The following SEMA3A variants were observed in gnomAD, a reference collection of about 807,000 sequenced individuals.
The protein encoded by SEMA3A is semaphorin-3A.
In SEMA3A, 29 loss-of-function variants were observed where a neutral mutation model predicts 97.9. The ratio of observed to expected loss-of-function variants is 0.30; its 90% CI spans 0.22 to 0.40. The LOEUF (loss-of-function observed/expected upper bound fraction) is 0.40, where lower values mean the gene tolerates loss of function less well. SEMA3A is among the 10% of genes least tolerant of loss of function. SEMA3A has a pLI of 1.00. For missense variants in SEMA3A, 763 were observed against 951.3 expected, an observed-to-expected ratio of 0.80 and a Z score of 2.60; for synonymous variants, 321 against 323.7, an observed-to-expected ratio of 0.99 and a Z score of 0.09.
chr7:84,079,647 A>T (rs1332676932), intron 4 of SEMA3A, among the ~76,000 whole-genome samples: 2 of 146,540 alleles, frequency 1.4e-5, no homozygotes, highest in Admixed American at 6.9e-5. Context: ...TCAAAACCAC[A>T]ATGAGATACC....
intron 1 of SEMA3A, among the ~76,000 whole-genome samples, chr7:84,187,917 A>C (rs1797932913): frequency 6.6e-6 from 1 of 152,130 alleles, no homozygotes; most frequent in Admixed American, 6.6e-5. Context: ...TCACATAAGC[A>C]GTTTCACAGA....
At chr7:84,313,393 T>C (rs1163192336) in intron 2 of SEMA3A, among the ~76,000 whole-genome samples, 4 of 101,330 alleles carry the variant, frequency 3.9e-5, no homozygotes, top group Non-Finnish European at 6.3e-5. Flanking sequence ...TATATATATA[T>C]ATATATATAT....
chr7:84,035,991 T>C (rs1584576105), intron 6 of SEMA3A, among the ~76,000 whole-genome samples: 1 of 152,214 alleles, frequency 6.6e-6, no homozygotes, highest in East Asian at 1.9e-4. Context: ...AATTTCTTGT[T>C]TTGAACTCTC....
chr7:84,469,607 G>A (rs535959053), intron 1 of SEMA3A, among the ~76,000 whole-genome samples: 4 of 152,198 alleles, frequency 2.6e-5, no homozygotes, highest in Admixed American at 2.0e-4. Flanking sequence ...AGATCATTAA[G>A]ATTTTTTCTG....
chr7:84,092,884 T>C (rs1032641964), intron 4 of SEMA3A, among the ~76,000 whole-genome samples: 1 of 152,156 alleles, frequency 6.6e-6, no homozygotes, highest in Non-Finnish European at 1.5e-5. Flanking sequence ...TTATGAAGAT[T>C]CATTTAAATT....
chr7:84,345,727 T>C (rs1014046581), intron 2 of SEMA3A, among the ~76,000 whole-genome samples: 4 of 152,214 alleles, frequency 2.6e-5, no homozygotes, highest in Admixed American at 6.5e-5. Flanking sequence ...CTTCTAATTC[T>C]ACTTCTCTTG....
chr7:83,968,804 C>CT (rs34837012), intron 15 of SEMA3A, among the ~76,000 whole-genome samples: 6,128 of 87,058 alleles, frequency 0.07, 126 homozygotes, highest in African/African-American at 0.082. Context: ...CTTTTCTTTC[C>CT]TTTTTTTTTT....
chr7:84,032,752 A>G (rs1205724018), intron 6 of SEMA3A, among the ~76,000 whole-genome samples: 1 of 151,790 alleles, frequency 6.6e-6, no homozygotes, highest in Non-Finnish European at 1.5e-5. Flanking sequence ...TTGAAAATAA[A>G]TAATAATTAT....
rs1056455437 is a variant in SEMA3A, at chr7:83,994,216, T to G, written c.1452+7739A>C. On this transcript the variant is annotated intron_variant, in intron 12 of 16. Transcript: ENST00000265362. The stretch of plus-strand genomic sequence containing the variant: ...ATTGGTTATTCTAGTTATACATTCT[T>G]CTAAATTTTTTGCAAAGTTTTCAAC... Among the ~76,000 whole-genome samples, 14 of 97,004 alleles carry G rather than the reference T, an allele frequency of 1.4e-4. 1 individual carries two copies. The highest frequency in any genetic ancestry group is 5.6e-4 in the African/African-American group (14 of 25,016). 63.6% of individuals were successfully genotyped at this position (97,004 alleles called of 152,430 possible).
At chr7:84,233,205 C>T (rs750328926) in intron 3 of SEMA3A, among the ~76,000 whole-genome samples, 3 of 151,852 alleles carry the variant, frequency 2.0e-5, no homozygotes, top group Non-Finnish European at 2.9e-5. Flanking sequence ...TTGGTTAAGA[C>T]CAAAGCTTTT....
chr7:84,384,671 T>A (rs1053008376), intron 1 of SEMA3A, among the ~76,000 whole-genome samples: 2 of 152,084 alleles, frequency 1.3e-5, no homozygotes, highest in African/African-American at 4.8e-5. Flanking sequence ...TGTCCTAACT[T>A]GGCAACAACT....
At position 84,425,431 on chromosome 7, in the gene SEMA3A, A is replaced by ATG. The variant is rs535163232; in HGVS notation, c.-245-53532_-245-53531insCA. Among the ~76,000 whole-genome samples the ATG allele has an allele frequency of 9.6e-3, 1,252 of 130,904 alleles. 14 individuals carry two copies. Among genetic ancestry groups the ATG allele is most frequent in the South Asian group, 0.022 (91 of 4,210 alleles). The allele number at this position is 130,904 out of a possible 152,430, so 85.9% of individuals were successfully genotyped here. A position where few individuals can be genotyped will look rare whatever the true frequency, so the allele number is the denominator to read the frequency against. On this transcript the variant is annotated intron_variant, in intron 1 of 3. Coordinates refer to the SEMA3A transcript ENST00000424555. ...TATATGCCTATATTTATATGAATAT[A>ATG]AATATAGGCATATATTTATATGCAT...
At chr7:84,445,534 AAGAAG>A (rs1805393040) in intron 1 of SEMA3A, among the ~76,000 whole-genome samples, 5 of 149,142 alleles carry the variant, frequency 3.4e-5, no homozygotes, top group Non-Finnish European at 7.5e-5. Flanking sequence ...AAGAAAAGAA[AAGAAG>A]AGAAAAGAAA....
At chr7:84,254,267 AG>A (rs1312273508) in intron 3 of SEMA3A, among the ~76,000 whole-genome samples, 3 of 152,228 alleles carry the variant, frequency 2.0e-5, no homozygotes, top group Non-Finnish European at 4.4e-5. Flanking sequence ...CTGAAAGGGC[AG>A]GTTGTCATCT....
intron 6 of SEMA3A, among the ~76,000 whole-genome samples, chr7:84,041,895 A>C (rs1380127750): frequency 6.6e-6 from 1 of 152,066 alleles, no homozygotes; most frequent in Non-Finnish European, 1.5e-5. Flanking sequence ...TTTATGCAAA[A>C]CTAGATGATC....
chr7:84,425,462 T>A (rs1169776653), intron 1 of SEMA3A, among the ~76,000 whole-genome samples: 1 of 139,588 alleles, frequency 7.2e-6, no homozygotes, highest in Non-Finnish European at 1.5e-5. Flanking sequence ...TGCATATAAA[T>A]ATATACATAT....
At chr7:84,101,259 A>G (rs1368035212) in intron 4 of SEMA3A, among the ~76,000 whole-genome samples, 1 of 143,134 alleles carries the variant, frequency 7.0e-6, no homozygotes, top group Non-Finnish European at 1.6e-5. Flanking sequence ...AGCTTTCATG[A>G]AATGTCATGG....
chr7:84,255,963 A>C (rs982162665), intron 3 of SEMA3A, among the ~76,000 whole-genome samples: 4 of 150,636 alleles, frequency 2.7e-5, no homozygotes, highest in African/African-American at 1.0e-4. Flanking sequence ...CCTTTCCCCA[A>C]GCACAAGAAT....
rs142338991 is a variant in SEMA3A, at chr7:84,135,413, C to A, written c.113-462G>T. Among the ~76,000 whole-genome samples the A allele has an allele frequency of 3.3e-3, 505 of 151,890 alleles. 7 individuals carry two copies. Among genetic ancestry groups the A allele is most frequent in the African/African-American group, 0.011 (463 of 41,458 alleles). ...GGTGTGAGCCAGTGTGCCCGGCCTG[C>A]ATTTTATTAAAATGAGAGTTATATT... is the stretch of plus-strand genomic sequence containing the variant. On this transcript the variant is annotated intron_variant, in intron 1 of 16. Coordinates refer to ENST00000265362, the MANE Select transcript of SEMA3A (RefSeq NM_006080.3).
Sources: allele counts gnomAD v4.1 joint callset (sites outside exome capture counted in the v4.1 genomes callset), GRCh38; gene constraint gnomAD v4.1.1; transcripts MANE v1.5; gene names NCBI Gene and HGNC (gene_info 2026-07-23, HGNC 2026-07-21).